The following MOBP variants were observed in gnomAD, a reference collection of about 807,000 sequenced individuals.
The protein encoded by MOBP is myelin associated oligodendrocyte basic protein.
MOBP carries 5 observed loss-of-function variants against 15.0 expected under a neutral mutation model. That is an observed-to-expected ratio of 0.33 (90% CI 0.17 to 0.70). The LOEUF (loss-of-function observed/expected upper bound fraction) is 0.70. Among genes scored for constraint, MOBP ranks in the 30% least tolerant of loss-of-function variants. The pLI is 0.67. For synonymous variants in MOBP, 88 were observed against 99.0 expected, an observed-to-expected ratio of 0.89 and a Z score of 0.66; for missense variants, 188 against 257.8, an observed-to-expected ratio of 0.73 and a Z score of 1.85.
chr3:39,480,707 C>T (rs192826487), intron 2 of MOBP, among the ~76,000 whole-genome samples: 2 of 152,296 alleles, frequency 1.3e-5, no homozygotes, highest in East Asian at 1.9e-4. Flanking sequence ...GTCACATCTC[C>T]TCCTTCGCTG....
intron 1 of MOBP, among the ~76,000 whole-genome samples, chr3:39,478,221 C>A (rs1057090226): frequency 6.6e-6 from 1 of 152,096 alleles, no homozygotes; most frequent in Non-Finnish European, 1.5e-5. Context: ...CATTTTAAAT[C>A]TTTTATATTG....
At chr3:39,528,656 C>G (rs1251402342), downstream of MOBP, 3 of 152,188 alleles carry the variant, frequency 2.0e-5, no homozygotes, top group African/African-American at 7.2e-5. Context: ...GGAGACAAAA[C>G]AGTCAGAAGG....
intron 3 of MOBP, among the ~76,000 whole-genome samples, chr3:39,521,826 TATAATA>T (rs1406800981): frequency 2.6e-5 from 4 of 152,198 alleles, no homozygotes; most frequent in African/African-American, 9.7e-5. Flanking sequence ...CACCTAAGTG[TATAATA>T]CCGTCTTCTC....
intron 1 of MOBP, among the ~76,000 whole-genome samples, chr3:39,473,091 A>G (rs2042494634): frequency 6.6e-6 from 1 of 152,182 alleles, no homozygotes; most frequent in Non-Finnish European, 1.5e-5. Flanking sequence ...GTGTGCTCCA[A>G]GAGTGACTTC....
At chr3:39,508,702 A>C (rs943585626) in intron 4 of MOBP, among the ~76,000 whole-genome samples, 16 of 152,064 alleles carry the variant, frequency 1.1e-4, no homozygotes, top group Non-Finnish European at 2.1e-4. Flanking sequence ...GGCATGCGCC[A>C]CCATGCCTGG....
intron 2 of MOBP, among the ~76,000 whole-genome samples, chr3:39,493,767 T>C (rs2042835316): frequency 6.6e-6 from 1 of 152,210 alleles, no homozygotes; most frequent in Non-Finnish European, 1.5e-5. Flanking sequence ...GGGAAGGATC[T>C]GGAAAGGCTC....
chr3:39,476,573 C>A (rs1407031811), intron 1 of MOBP, among the ~76,000 whole-genome samples: 1 of 151,962 alleles, frequency 6.6e-6, no homozygotes, highest in Non-Finnish European at 1.5e-5. Flanking sequence ...TTGCTTAATT[C>A]TACTATTGTA....
chr3:39,513,415 A>G (rs369235076), exon 5 of MOBP: 2 of 1,614,176 alleles, frequency 1.2e-6, no homozygotes, highest in Non-Finnish European at 1.7e-6. Context: ...ACCCCAAAGA[A>G]GAAGTGACCA....
At chr3:39,525,220 T>C (rs535706880), downstream of MOBP, 1 of 152,276 alleles carries the variant, frequency 6.6e-6, no homozygotes, top group South Asian at 2.1e-4. Context: ...TTTGAAGAGA[T>C]AGGTGAAAGA....
chr3:39,486,639 C>T (rs141836482), intron 2 of MOBP, among the ~76,000 whole-genome samples: 14 of 152,186 alleles, frequency 9.2e-5, no homozygotes, highest in Non-Finnish European at 1.8e-4. Flanking sequence ...TTAACTTTTA[C>T]CCATCTGATT....
chr3:39,487,403 C>G (rs2042727621), intron 2 of MOBP, among the ~76,000 whole-genome samples: 1 of 151,848 alleles, frequency 6.6e-6, no homozygotes, highest in Admixed American at 6.6e-5. Context: ...TTGAATAGAA[C>G]TGTTCCACTT....
In MOBP at chr3:39,469,164, G is replaced by GTA. The variant is rs1422100368; in HGVS notation, c.-89+1427_-89+1428dup. On this transcript the variant is annotated intron_variant, in intron 1 of 3. Coordinates refer to ENST00000684792, the MANE Select transcript of MOBP (RefSeq NM_001393704.1). ...TATACATATATACATATGTGTGTGT[G>GTA]TATACATATATACATGTGTGTGTGT... Among the ~76,000 whole-genome samples the GTA allele has an allele frequency of 6.0e-3, 258 of 43,000 alleles. 80 individuals carry two copies. Among genetic ancestry groups the GTA allele is most frequent in the African/African-American group, 0.014 (62 of 4,392 alleles). 28.2% of individuals were successfully genotyped at this position (43,000 alleles called of 152,430 possible).
intron 2 of MOBP, among the ~76,000 whole-genome samples, chr3:39,491,916 G>A (rs192145115): frequency 1.3e-5 from 2 of 152,122 alleles, no homozygotes. Context: ...AAAATTTTTT[G>A]TGTGTGTATG....
intron 1 of MOBP, among the ~76,000 whole-genome samples, chr3:39,471,274 C>T (rs1248484905): frequency 6.6e-6 from 1 of 151,956 alleles, no homozygotes; most frequent in African/African-American, 2.4e-5. Flanking sequence ...GGACTGCAGG[C>T]TCGTGCCACC....
intron 1 of MOBP, among the ~76,000 whole-genome samples, chr3:39,470,747 T>A (rs2042457792): frequency 6.6e-6 from 1 of 152,230 alleles, no homozygotes; most frequent in African/African-American, 2.4e-5. Context: ...TCCTCTTTGT[T>A]AATTTAATAA....
intron 2 of MOBP, among the ~76,000 whole-genome samples, chr3:39,501,126 C>A (rs1366885797): frequency 1.3e-5 from 2 of 152,222 alleles, no homozygotes; most frequent in Non-Finnish European, 2.9e-5. Context: ...TCCTTAAAAA[C>A]CCAGATTATA....
chr3:39,500,077 T>C (rs1427121578), intron 2 of MOBP: 3 of 456,132 alleles, frequency 6.6e-6, no homozygotes, highest in Admixed American at 2.3e-5. Context: ...GGTGAGCTCA[T>C]TGTGAGCAGG....
intron 1 of MOBP, among the ~76,000 whole-genome samples, chr3:39,469,180 G>GTGTGTGTGTATATACATATATACA (rs2042424014): frequency 2.4e-5 from 1 of 41,108 alleles, no homozygotes; most frequent in Admixed American, 2.3e-4. Flanking sequence ...ATATATACAT[G>GTGTGTGTGTATATACATATATACA]TGTGTGTGTG....
rs894789694 is a variant in MOBP at position 39,502,507 on chromosome 3, C to T, written c.207-28C>T. ...AGCAGCAGAGGAGAGCCCTGGCTCCCGCCTCCAGCTTCTTTTGGCCCTCTC... is the reference window on the plus strand; with the variant it reads ...AGCAGCAGAGGAGAGCCCTGGCTCCTGCCTCCAGCTTCTTTTGGCCCTCTC... On this transcript the variant is annotated intron_variant, in intron 3 of 3. Transcript: ENST00000684792. This position sits in a 1 kb window ranked among gnomAD's most constrained non-coding sequence, Gnocchi z 6.3. The T allele has an allele frequency of 4.5e-6, 7 of 1,559,374 alleles. No homozygotes were observed. Among genetic ancestry groups the T allele is most frequent in the African/African-American group, 1.4e-5 (1 of 73,932 alleles).
Sources: allele counts gnomAD v4.1 joint callset (sites outside exome capture counted in the v4.1 genomes callset), GRCh38; gene constraint gnomAD v4.1.1; non-coding constraint Gnocchi (gnomAD v3.1); transcripts MANE v1.5; gene names NCBI Gene and HGNC (gene_info 2026-07-23, HGNC 2026-07-21).